SPRED1: variants seen among roughly 807,000 people sequenced by gnomAD.
The protein encoded by SPRED1 is sprouty related EVH1 domain containing 1.
A neutral mutation model predicts 52.3 loss-of-function variants in SPRED1; 18 were observed. The ratio of observed to expected loss-of-function variants is 0.34; its 90% CI spans 0.24 to 0.51. The LOEUF (loss-of-function observed/expected upper bound fraction) is 0.51, where lower values mean the gene tolerates loss of function less well. SPRED1 is among the 20% of genes least tolerant of loss of function. SPRED1 has a pLI of 0.97. For missense variants in SPRED1, 485 were observed against 551.0 expected, an observed-to-expected ratio of 0.88 and a Z score of 1.20; for synonymous variants, 155 against 179.7, an observed-to-expected ratio of 0.86 and a Z score of 1.10.
intron 4 of SPRED1, among the ~76,000 whole-genome samples, chr15:38,330,354 T>G (rs1333602985): frequency 6.6e-6 from 1 of 152,136 alleles, no homozygotes; most frequent in Non-Finnish European, 1.5e-5. Flanking sequence ...ATGTTTCCAG[T>G]CAAAGCTCAT....
rs1323124406 is a variant in SPRED1 at position 38,351,510 on chromosome 15, A to G, written c.1181A>G (p.Asp394Gly). The G allele has an allele frequency of 1.2e-6, 2 of 1,613,976 alleles. No individual in the cohort carries two copies. The highest frequency in any genetic ancestry group is 2.7e-5 in the African/African-American group (2 of 74,888). ...GATTTTTCTGATCCCTGTTCGTGTG[A>G]CACTAGCGACGACAAGTTCTGCTTG... Reference protein sequence around the residue: ...EGDFSDPCSCDTSDDKFCLRW... With the variant: ...EGDFSDPCSCGTSDDKFCLRW... The change falls in exon 7 of 7, where the codon GAC (aspartate) becomes GGC (glycine). Residue 394 changes from aspartate (D) to glycine (G), a missense_variant. Around this residue, in one of 5 missense-constraint regions of SPRED1, gnomAD observed 205 missense variants for 245.2 expected, o/e 0.84. Coordinates refer to ENST00000299084, the MANE Select transcript of SPRED1 (RefSeq NM_152594.3).
At position 38,322,648 on chromosome 15, in the gene SPRED1, A is replaced by G. The variant is rs533415821; in HGVS notation, c.376+239A>G. ...ATGTATTATCTTGAAGAGTCCATCA[A>G]CAGCTGACTTCAGATAATTCAAATG... On this transcript the variant is annotated intron_variant, in intron 3 of 6. Transcript: ENST00000299084. Among the ~76,000 whole-genome samples the G allele has an allele frequency of 3.3e-4, 51 of 152,308 alleles. No individual in the cohort carries two copies. In the South Asian group the frequency reaches 0.01, roughly 30 times the overall value.
intron 1 of SPRED1, among the ~76,000 whole-genome samples, chr15:38,284,220 T>A (rs1894754543): frequency 2.0e-5 from 3 of 152,178 alleles, no homozygotes; most frequent in Admixed American, 6.5e-5. Flanking sequence ...GGCTGAAAAT[T>A]TACTTTTAGT....
chr15:38,281,414 C>T (rs1403352), intron 1 of SPRED1, among the ~76,000 whole-genome samples: 13,792 of 151,982 alleles, frequency 0.091, 754 homozygotes, highest in East Asian at 0.21. Flanking sequence ...TTTTTTGAGA[C>T]GGGAGTCTCT....
At chr15:38,333,649 C>T (rs1435167656) in intron 4 of SPRED1, among the ~76,000 whole-genome samples, 1 of 151,774 alleles carries the variant, frequency 6.6e-6, no homozygotes, top group Non-Finnish European at 1.5e-5. Flanking sequence ...TATGGAGCAC[C>T]GATTGTGAAT....
intron 2 of SPRED1, among the ~76,000 whole-genome samples, chr15:38,304,301 T>A (rs976456480): frequency 2.6e-5 from 4 of 152,208 alleles, no homozygotes. Flanking sequence ...AATTATTCCT[T>A]TGTGAAACTT....
At chr15:38,348,280 A>G (rs16966821) in intron 5 of SPRED1, among the ~76,000 whole-genome samples, 6,429 of 151,870 alleles carry the variant, frequency 0.042, 460 homozygotes, top group African/African-American at 0.15. Flanking sequence ...TTCCCAGACC[A>G]TTTAATCCAT....
At chr15:38,271,835 G>A (rs765161402) in intron 1 of SPRED1, among the ~76,000 whole-genome samples, 11 of 152,104 alleles carry the variant, frequency 7.2e-5, no homozygotes, top group Non-Finnish European at 1.3e-4. Context: ...CAGAGGTTTG[G>A]GGTATGACTG....
At chr15:38,342,468 T>C (rs1361376114) in intron 5 of SPRED1, among the ~76,000 whole-genome samples, 1 of 152,102 alleles carries the variant, frequency 6.6e-6, no homozygotes, top group East Asian at 1.9e-4. Flanking sequence ...TTTATTCACC[T>C]TTTTATGACT....
intron 4 of SPRED1, among the ~76,000 whole-genome samples, chr15:38,336,380 ATGTGTGTG>A (rs35912838): frequency 2.2e-4 from 29 of 134,302 alleles, no homozygotes; most frequent in African/African-American, 7.6e-4. Context: ...GATAAAGAAA[ATGTGTGTG>A]TGTGTGTGTG....
intron 2 of SPRED1, among the ~76,000 whole-genome samples, chr15:38,309,930 T>C (rs906701124): frequency 1.3e-5 from 2 of 152,182 alleles, no homozygotes; most frequent in Non-Finnish European, 2.9e-5. Context: ...GTTCCATTTC[T>C]CTATTTGTCC....
intron 5 of SPRED1, among the ~76,000 whole-genome samples, chr15:38,346,194 G>A (rs1393569215): frequency 6.6e-6 from 1 of 152,026 alleles, no homozygotes; most frequent in African/African-American, 2.4e-5. Context: ...GTACGCGCCT[G>A]TAGTCTCAGC....
At position 38,314,396 on chromosome 15, in the gene SPRED1, A is replaced by G. The variant is rs987069813; in HGVS notation, c.208-7845A>G. On this transcript the variant is annotated intron_variant, in intron 2 of 6. Coordinates refer to ENST00000299084, the MANE Select transcript of SPRED1 (RefSeq NM_152594.3). ...GTGAACTTTATTCATTATACCTTTT[A>G]GCCTAAGAGTCCATTTTGCTTATTA... Among the ~76,000 whole-genome samples the G allele has an allele frequency of 3.3e-5, 5 of 151,858 alleles. No individual in the cohort carries two copies. In the South Asian group the frequency reaches 1.0e-3, roughly 31 times the overall value.
intron 4 of SPRED1, among the ~76,000 whole-genome samples, chr15:38,329,777 C>T (rs1895773948): frequency 1.3e-5 from 2 of 152,060 alleles, no homozygotes; most frequent in African/African-American, 4.8e-5. Context: ...GTTTTTCTTT[C>T]TTCTGGCATC....
At chr15:38,313,724 G>A (rs1367101836) in intron 2 of SPRED1, among the ~76,000 whole-genome samples, 1 of 151,502 alleles carries the variant, frequency 6.6e-6, no homozygotes, top group Non-Finnish European at 1.5e-5. Context: ...ATTTTTAAAT[G>A]AATTCATACT....
intron 4 of SPRED1, among the ~76,000 whole-genome samples, chr15:38,330,220 A>G (rs1390697763): frequency 6.6e-6 from 1 of 150,962 alleles, no homozygotes; most frequent in Non-Finnish European, 1.5e-5. Flanking sequence ...AGGTTAGAGG[A>G]CTTGTTTTCC....
At chr15:38,326,857 C>A (rs755467057) in intron 4 of SPRED1, among the ~76,000 whole-genome samples, 11 of 152,174 alleles carry the variant, frequency 7.2e-5, no homozygotes, top group Non-Finnish European at 1.2e-4. Context: ...GAACCAAGAT[C>A]TCAGGCCAGA....
At chr15:38,278,304 A>T (rs1211839903) in intron 1 of SPRED1, among the ~76,000 whole-genome samples, 20 of 152,158 alleles carry the variant, frequency 1.3e-4, no homozygotes, top group Non-Finnish European at 1.5e-5. Flanking sequence ...AAATAAGATG[A>T]AACCCTGTCT....
At chr15:38,278,876 G>T in intron 1 of SPRED1, among the ~76,000 whole-genome samples, 1 of 126,998 alleles carries the variant, frequency 7.9e-6, no homozygotes. Context: ...CGCCTAGGCT[G>T]GAGTGCAGTG....
Sources: gnomAD v4.1 joint callset for allele counts (sites outside exome capture counted in the v4.1 genomes callset) on GRCh38, gnomAD v4.1.1 for gene constraint, gnomAD v4.1.1 regional missense constraint, MANE v1.5 for transcripts, NCBI Gene and HGNC (gene_info 2026-07-23, HGNC 2026-07-21) for gene names.